COMMD6: variants seen among roughly 807,000 people sequenced by gnomAD.
COMMD6 encodes COMM domain containing 6, also known as COMM domain-containing protein 6.
In COMMD6, 11 loss-of-function variants were observed where a neutral mutation model predicts 13.4. That is an observed-to-expected ratio of 0.82 (90% CI 0.52 to 1.36). The LOEUF is 1.36. Among genes scored for constraint, COMMD6 ranks in the 40% most tolerant of loss-of-function variants. COMMD6 has a pLI of 0.00. For synonymous variants in COMMD6, 43 were observed against 36.5 expected (o/e 1.18, Z -0.64); for missense variants, 124 against 102.4 (o/e 1.21, Z -0.91).
chr13:75,537,710 A>T, intron 1 of COMMD6, 35 bp from the exon 2 acceptor site: 3 of 1,614,018 alleles, frequency 1.9e-6, no homozygotes, highest in Non-Finnish European at 2.5e-6. Context: ...TTAGAGAAAC[A>T]TCTTTCTTGC....
intron 3 of COMMD6, chr13:75,527,727 T>C (rs1408042): frequency 0.54 from 678,113 of 1,247,996 alleles, 186,513 homozygotes; most frequent in East Asian, 0.73. Flanking sequence ...CTGGAGGACA[T>C]TGTGCAAAGT....
intron 2 of COMMD6, among the ~76,000 whole-genome samples, chr13:75,534,282 A>C (rs964040706): frequency 6.6e-6 from 1 of 152,204 alleles, no homozygotes; most frequent in African/African-American, 2.4e-5. Context: ...AAAAGCAATG[A>C]AGGCGTGCAA....
intron 2 of COMMD6, 92 bp from the exon 3 acceptor site, chr13:75,530,358 T>C: frequency 1.0e-6 from 1 of 985,776 alleles, no homozygotes; most frequent in Non-Finnish European, 1.5e-6. Flanking sequence ...CACTCAACTT[T>C]TAGTTTCAAC....
Position 75,526,042 on chromosome 13 carries a change from C to G in COMMD6, c.*547G>C, listed in dbSNP as rs961495022. 2 of 152,106 alleles carry G rather than the reference C, an allele frequency of 1.3e-5. No individual in the cohort carries two copies. Among genetic ancestry groups the G allele is most frequent in the African/African-American group, 4.8e-5 (2 of 41,416 alleles). 9.4% of individuals were successfully genotyped at this position (152,106 alleles called of 1,614,324 possible). On this transcript the variant is annotated 3_prime_UTR_variant, in exon 4 of 4. Coordinates refer to ENST00000682242, the MANE Select transcript of COMMD6 (RefSeq NM_203495.4). The stretch of plus-strand genomic sequence containing the variant: ...CATTAATAACAGAAATAATTGAATG[C>G]TAGACTAATACTGTGTAAAGGAGCA...
At chr13:75,539,829 G>A (rs58441165), upstream of COMMD6, among the ~76,000 whole-genome samples, 3,467 of 152,210 alleles carry the variant, frequency 0.023, 138 homozygotes, top group African/African-American at 0.079. Context: ...GTTATTGGAC[G>A]TGATTAAATG....
intron 2 of COMMD6, among the ~76,000 whole-genome samples, chr13:75,532,709 T>TA (rs1488214109): frequency 1.3e-5 from 2 of 152,198 alleles, no homozygotes; most frequent in Admixed American, 1.3e-4. Context: ...CACACGCCTG[T>TA]AGTCTTAATT....
chr13:75,541,983 A>C (rs955556840), upstream of COMMD6, among the ~76,000 whole-genome samples: 7 of 152,214 alleles, frequency 4.6e-5, no homozygotes, highest in African/African-American at 1.7e-4. Flanking sequence ...GTGCATATTC[A>C]AGGAGGTAAA....
At chr13:75,528,005 A>G (rs1207197320) in intron 3 of COMMD6, among the ~76,000 whole-genome samples, 3 of 1,730 alleles carry the variant, frequency 1.7e-3, no homozygotes, top group African/African-American at 3.2e-3. Flanking sequence ...CCCTCAGCAC[A>G]CACACACACA....
At chr13:75,540,383 CCTT>C (rs2030810544), upstream of COMMD6, among the ~76,000 whole-genome samples, 1 of 151,656 alleles carries the variant, frequency 6.6e-6, no homozygotes, top group Non-Finnish European at 1.5e-5. Flanking sequence ...GACACACACC[CCTT>C]AACTTTGTAA....
At chr13:75,527,857 G>A in intron 3 of COMMD6, 1 of 1,502,018 alleles carries the variant, frequency 6.7e-7, no homozygotes, top group Non-Finnish European at 8.9e-7. Context: ...TGAGGCTGGG[G>A]GTCAATGGGG....
At chr13:75,527,490 G>A (rs2030302739) in intron 3 of COMMD6, among the ~76,000 whole-genome samples, 1 of 152,158 alleles carries the variant, frequency 6.6e-6, no homozygotes, top group Admixed American at 6.5e-5. Flanking sequence ...TCTCAGTCAT[G>A]TAATGTGATT....
At position 75,525,692 on chromosome 13, in the gene COMMD6, AAAAG is replaced by A. The variant is rs1189239259; in HGVS notation, c.*893_*896del. 1.3e-5 allele frequency: 2 copies of A among 152,268 alleles called. No homozygotes were observed. The highest frequency in any genetic ancestry group is 4.8e-5 in the African/African-American group (2 of 41,464). 9.4% of individuals were successfully genotyped at this position (152,268 alleles called of 1,614,324 possible). ...CTGTGTGCTACCTAGCAGGGAACAAAAAAGAAAGTGGACTCACACAGACCTGCAG... is the reference window on the plus strand; with the variant it reads ...CTGTGTGCTACCTAGCAGGGAACAAAAAAGTGGACTCACACAGACCTGCAG... On this transcript the variant is annotated 3_prime_UTR_variant, in exon 4 of 4. Coordinates refer to ENST00000682242, the MANE Select transcript of COMMD6 (RefSeq NM_203495.4).
intron 3 of COMMD6, chr13:75,527,813 A>G: frequency 6.6e-7 from 1 of 1,505,054 alleles, no homozygotes; most frequent in Non-Finnish European, 8.9e-7. Context: ...TCAAACTCAC[A>G]GAAGCAGAAA....
At chr13:75,537,636 G>C (rs779137424) in intron 2 of COMMD6, 28 bp downstream of exon 2, 1 of 1,613,634 alleles carries the variant, frequency 6.2e-7, no homozygotes, top group Non-Finnish European at 8.5e-7. Context: ...GGCTGGCGGA[G>C]GACAGGGCGG....
chr13:75,533,808 CA>C (rs1171594674), intron 2 of COMMD6, among the ~76,000 whole-genome samples: 3 of 151,990 alleles, frequency 2.0e-5, no homozygotes, highest in Admixed American at 2.0e-4. Context: ...CTGAGGTATC[CA>C]GTCCAAAAGT....
intron 2 of COMMD6, 47 bp downstream of exon 2, chr13:75,537,617 T>C (rs749229197): frequency 1.4e-5 from 23 of 1,613,082 alleles, no homozygotes; most frequent in East Asian, 2.2e-5. Context: ...CTCGCGGCCG[T>C]GGGAGGCAGG....
intron 1 of COMMD6, among the ~76,000 whole-genome samples, chr13:75,544,928 A>T (rs1432336078): frequency 1.8e-5 from 1 of 55,680 alleles, no homozygotes; most frequent in Non-Finnish European, 3.1e-5. Flanking sequence ...TCTGTCTCCA[A>T]AAAAAAAAAA....
chr13:75,530,089 A>G (rs746972449), intron 3 of COMMD6, 25 bp downstream of exon 3: 1 of 1,587,836 alleles, frequency 6.3e-7, no homozygotes, highest in Non-Finnish European at 8.6e-7. Flanking sequence ...AGCTGAGCTA[A>G]AACTGGATGA....
intron 1 of COMMD6, among the ~76,000 whole-genome samples, chr13:75,547,624 A>G (rs1203340490): frequency 2.0e-5 from 3 of 152,182 alleles, no homozygotes; most frequent in African/African-American, 7.2e-5. Flanking sequence ...CCTCAATACC[A>G]TGATAGGTAC....
Sources: allele counts gnomAD v4.1 joint callset (sites outside exome capture counted in the v4.1 genomes callset), GRCh38; gene constraint gnomAD v4.1.1; transcripts MANE v1.5; gene names NCBI Gene and HGNC (gene_info 2026-07-23, HGNC 2026-07-21).